SCAPER: variants seen among roughly 807,000 people sequenced by gnomAD.
The protein encoded by SCAPER is S-phase cyclin A associated protein in the ER.
SCAPER carries 98 observed loss-of-function variants against 182.2 expected under a neutral mutation model. The observed-to-expected ratio is 0.54, with a 90% confidence interval of 0.46 to 0.64. The LOEUF (loss-of-function observed/expected upper bound fraction) is 0.64, where lower values mean the gene tolerates loss of function less well. SCAPER is among the 30% of genes least tolerant of loss of function. The pLI is 0.00. For synonymous variants in SCAPER, 605 were observed against 564.6 expected (o/e 1.07, Z -1.01); for missense variants, 1,432 against 1,690.0 (o/e 0.85, Z 2.68).
intron 15 of SCAPER, 133 bp downstream of exon 15, chr15:76,753,675 A>C (rs1451648400): frequency 3.9e-6 from 4 of 1,023,966 alleles, no homozygotes; most frequent in Admixed American, 2.7e-5. Context: ...GTAAGTTTTA[A>C]ATGAGTGTGT....
chr15:76,591,061 T>A (rs2049065476), intron 22 of SCAPER, among the ~76,000 whole-genome samples: 1 of 152,138 alleles, frequency 6.6e-6, no homozygotes, highest in Admixed American at 6.5e-5. Context: ...ATGATGAGAA[T>A]GACTTAATGG....
chr15:76,515,991 G>A (rs912664884), intron 23 of SCAPER, among the ~76,000 whole-genome samples: 22 of 152,194 alleles, frequency 1.4e-4, no homozygotes, highest in African/African-American at 4.1e-4. Flanking sequence ...ACTGGTCCTT[G>A]TCTGTGCTGA....
chr15:76,533,608 T>G (rs572117710), intron 23 of SCAPER, among the ~76,000 whole-genome samples: 6 of 148,774 alleles, frequency 4.0e-5, no homozygotes, highest in Non-Finnish European at 8.9e-5. Context: ...CTCCCTATTG[T>G]TGAGCAATGC....
chr15:76,349,539 A>G (rs1023675356), intron 31 of SCAPER: 2 of 152,214 alleles, frequency 1.3e-5, no homozygotes, highest in Admixed American at 6.5e-5. Context: ...CTGCTTTTAT[A>G]TTTAAAGGTT....
chr15:76,514,542 A>G (rs1014375545), intron 23 of SCAPER, among the ~76,000 whole-genome samples: 2 of 152,188 alleles, frequency 1.3e-5, no homozygotes, highest in Non-Finnish European at 2.9e-5. Context: ...TCTGTAGACA[A>G]TAATTATGTT....
intron 1 of SCAPER, among the ~76,000 whole-genome samples, chr15:76,903,712 A>AG (rs2074923188): frequency 6.6e-6 from 1 of 152,224 alleles, no homozygotes; most frequent in Non-Finnish European, 1.5e-5. Flanking sequence ...CCAAAGACAC[A>AG]TAGAGTATAT....
At chr15:76,702,772 A>C (rs2059029659) in intron 19 of SCAPER, 78 bp downstream of exon 19, 1 of 1,515,968 alleles carries the variant, frequency 6.6e-7, no homozygotes, top group Admixed American at 2.3e-5. Context: ...GTTTTAAAAG[A>C]CTGCAAGAAT....
chr15:76,703,389 T>A (rs1285906593), intron 18 of SCAPER, among the ~76,000 whole-genome samples: 2 of 152,332 alleles, frequency 1.3e-5, no homozygotes, highest in African/African-American at 4.8e-5. Context: ...CAATAACACA[T>A]TTTTGAGAAC....
chr15:76,733,169 G>T (rs2061027028), intron 16 of SCAPER, 60 bp downstream of exon 16: 2 of 1,497,320 alleles, frequency 1.3e-6, no homozygotes, highest in Non-Finnish European at 1.8e-6. Flanking sequence ...ACCCTGCGGG[G>T]CTGGACCCTA....
At chr15:76,552,457 G>C (rs1224115168) in intron 23 of SCAPER, among the ~76,000 whole-genome samples, 1 of 152,092 alleles carries the variant, frequency 6.6e-6, no homozygotes, top group Non-Finnish European at 1.5e-5. Context: ...ACTGAAGGGG[G>C]ATGAAGCTGA....
At chr15:76,603,374 T>G (rs2050075469) in intron 22 of SCAPER, among the ~76,000 whole-genome samples, 1 of 121,916 alleles carries the variant, frequency 8.2e-6, no homozygotes, top group Admixed American at 9.4e-5. Context: ...TCATTTTTTA[T>G]GGCTGCATAG....
chr15:76,527,068 G>A (rs904067022), intron 23 of SCAPER, among the ~76,000 whole-genome samples: 4 of 151,878 alleles, frequency 2.6e-5, no homozygotes, highest in Non-Finnish European at 4.4e-5. Context: ...TAGAGACAGG[G>A]TTTCACCATG....
chr15:76,663,377 T>C (rs1285003699), intron 21 of SCAPER, among the ~76,000 whole-genome samples: 2 of 152,134 alleles, frequency 1.3e-5, no homozygotes, highest in Non-Finnish European at 2.9e-5. Flanking sequence ...AGTTTGACAA[T>C]TCTACTTGTA....
chr15:76,744,455 C>T (rs2061693508), intron 15 of SCAPER, among the ~76,000 whole-genome samples: 1 of 151,924 alleles, frequency 6.6e-6, no homozygotes, highest in East Asian at 1.9e-4. Context: ...ACAAATAACC[C>T]CATTTTTAAA....
intron 24 of SCAPER, among the ~76,000 whole-genome samples, chr15:76,496,251 G>T (rs912440150): frequency 6.6e-6 from 1 of 151,158 alleles, no homozygotes; most frequent in Non-Finnish European, 1.5e-5. Flanking sequence ...TTAAAAAGCT[G>T]GACTATAGCC....
At chr15:76,897,290 G>A (rs1471083541) in intron 1 of SCAPER, among the ~76,000 whole-genome samples, 1 of 151,956 alleles carries the variant, frequency 6.6e-6, no homozygotes, top group Non-Finnish European at 1.5e-5. Context: ...AACCTGTAAT[G>A]ATTTAAAGTA....
chr15:76,572,843 A>T (rs899226205), intron 23 of SCAPER, among the ~76,000 whole-genome samples: 1 of 151,194 alleles, frequency 6.6e-6, no homozygotes, highest in Non-Finnish European at 1.5e-5. Flanking sequence ...TTGTTTATTT[A>T]CTTTGATACA....
chr15:76,589,964 T>A (rs2145651488), intron 22 of SCAPER, among the ~76,000 whole-genome samples: 1 of 152,326 alleles, frequency 6.6e-6, no homozygotes, highest in African/African-American at 2.4e-5. Context: ...GGTTCCCCTG[T>A]GTGTGTTTGG....
chr15:76,651,108 G>A (rs1054160007), intron 21 of SCAPER, among the ~76,000 whole-genome samples: 5 of 150,662 alleles, frequency 3.3e-5, no homozygotes, highest in Non-Finnish European at 7.4e-5. Context: ...AGAAATCAGG[G>A]GAAAAGAAAA....
Sources: allele counts gnomAD v4.1 joint callset (sites outside exome capture counted in the v4.1 genomes callset), GRCh38; gene constraint gnomAD v4.1.1; transcripts MANE v1.5; gene names NCBI Gene and HGNC (gene_info 2026-07-23, HGNC 2026-07-21).